The following TRHDE variants were observed in gnomAD, a reference collection of about 807,000 sequenced individuals.
TRHDE encodes the protein thyrotropin releasing hormone degrading enzyme, also known as thyrotropin-releasing hormone-degrading ectoenzyme.
Under a neutral mutation model 125.7 loss-of-function variants are expected in TRHDE, and 72 were observed. That is an observed-to-expected ratio of 0.57 (90% confidence interval 0.47 to 0.70). The LOEUF is 0.70. TRHDE is among the 30% of genes least tolerant of loss of function. The pLI is 0.00. For missense variants in TRHDE, 1,110 were observed against 1,327.1 expected (o/e 0.84, Z 2.54); for synonymous variants, 509 against 509.1 (o/e 1.00, Z 0.00).
intron 3 of TRHDE, among the ~76,000 whole-genome samples, chr12:72,408,624 A>G (rs1478259723): frequency 1.3e-5 from 2 of 152,224 alleles, no homozygotes; most frequent in Non-Finnish European, 2.9e-5. Flanking sequence ...GCCACAAGTT[A>G]TAAAGTACCA....
At chr12:72,170,437 G>T (rs560999418) in intron 2 of TRHDE, among the ~76,000 whole-genome samples, 13 of 152,306 alleles carry the variant, frequency 8.5e-5, no homozygotes, top group African/African-American at 3.1e-4. Flanking sequence ...GTCAGCTGAT[G>T]TGGGAACAGC....
At chr12:72,182,021 C>T (rs1877105363) in intron 2 of TRHDE, among the ~76,000 whole-genome samples, 1 of 152,102 alleles carries the variant, frequency 6.6e-6, no homozygotes, top group South Asian at 2.1e-4. Flanking sequence ...TGTTTTATAT[C>T]TGTCAAATTG....
intron 2 of TRHDE, among the ~76,000 whole-genome samples, chr12:72,159,587 G>T (rs780037816): frequency 5.9e-5 from 9 of 152,298 alleles, no homozygotes; most frequent in African/African-American, 9.6e-5. Flanking sequence ...TTTCAAATCA[G>T]ATATCTAACT....
At chr12:72,178,018 A>G (rs1877023559) in intron 2 of TRHDE, among the ~76,000 whole-genome samples, 1 of 152,158 alleles carries the variant, frequency 6.6e-6, no homozygotes, top group African/African-American at 2.4e-5. Context: ...TAGTTTTTTA[A>G]AGATCACTTT....
chr12:72,408,927 C>T (rs1161057373), intron 3 of TRHDE, among the ~76,000 whole-genome samples: 1 of 152,056 alleles, frequency 6.6e-6, no homozygotes, highest in Non-Finnish European at 1.5e-5. Context: ...TATGTCTAAT[C>T]GGAGTTCCAG....
chr12:72,433,850 A>T (rs1371228042), intron 3 of TRHDE, among the ~76,000 whole-genome samples: 1 of 151,776 alleles, frequency 6.6e-6, no homozygotes, highest in African/African-American at 2.4e-5. Context: ...CTTGTTACAC[A>T]TGCCTGGAAT....
chr12:72,280,915 C>T (rs748380511), intron 1 of TRHDE, among the ~76,000 whole-genome samples: 10 of 152,224 alleles, frequency 6.6e-5, no homozygotes, highest in African/African-American at 1.2e-4. Context: ...AATAAAAAAA[C>T]GTGAATCTCA....
intron 5 of TRHDE, among the ~76,000 whole-genome samples, chr12:72,474,386 C>G (rs961116050): frequency 6.6e-6 from 1 of 152,078 alleles, no homozygotes; most frequent in Admixed American, 6.6e-5. Context: ...ACTTATTCAT[C>G]TTGCATGACT....
intron 2 of TRHDE, among the ~76,000 whole-genome samples, chr12:72,305,672 T>C (rs922493190): frequency 6.6e-6 from 1 of 152,168 alleles, no homozygotes; most frequent in Admixed American, 6.5e-5. Context: ...TATTAACTGG[T>C]TGGGCAATCC....
intron 5 of TRHDE, among the ~76,000 whole-genome samples, chr12:72,495,701 G>A (rs992559791): frequency 6.6e-6 from 1 of 151,964 alleles, no homozygotes; most frequent in African/African-American, 2.4e-5. Context: ...CACAATATCT[G>A]GCATAGAGTG....
At chr12:72,301,138 A>G (rs551253879) in intron 2 of TRHDE, among the ~76,000 whole-genome samples, 118 of 152,050 alleles carry the variant, frequency 7.8e-4, no homozygotes, top group Non-Finnish European at 1.4e-3. Context: ...TTTTTTTATT[A>G]CCTGTGTCTC....
chr12:72,659,522 A>G (rs1400293854), intron 18 of TRHDE, among the ~76,000 whole-genome samples: 2 of 152,194 alleles, frequency 1.3e-5, no homozygotes, highest in African/African-American at 4.8e-5. Context: ...TAATAGGGCA[A>G]TAGTTAATTC....
chr12:72,447,746 T>A (rs1875369483), intron 3 of TRHDE, among the ~76,000 whole-genome samples: 1 of 152,028 alleles, frequency 6.6e-6, no homozygotes, highest in Admixed American at 6.6e-5. Flanking sequence ...AAAAGATTGA[T>A]GCTTGAGCTG....
intron 5 of TRHDE, among the ~76,000 whole-genome samples, chr12:72,477,331 A>G (rs1471654552): frequency 6.6e-5 from 10 of 152,184 alleles, no homozygotes; most frequent in Non-Finnish European, 1.2e-4. Flanking sequence ...TACGTACAAA[A>G]TAAACTTGGT....
intron 2 of TRHDE, among the ~76,000 whole-genome samples, chr12:72,122,082 A>G (rs1875595394): frequency 6.6e-6 from 1 of 151,862 alleles, no homozygotes; most frequent in East Asian, 1.9e-4. Context: ...AGGTGGTGGG[A>G]GAAATGAGGG....
chr12:72,253,881 C>G (rs1372500280), intron 2 of TRHDE: 1 of 151,738 alleles, frequency 6.6e-6, no homozygotes, highest in Non-Finnish European at 1.5e-5. Flanking sequence ...AAAATTGAGT[C>G]TTGGTGGAAA....
chr12:72,179,625 T>G (rs1877056078), intron 2 of TRHDE, among the ~76,000 whole-genome samples: 1 of 152,108 alleles, frequency 6.6e-6, no homozygotes, highest in Admixed American at 6.6e-5. Context: ...TGAGATACCT[T>G]CTCTTCCTTG....
chr12:72,427,843 T>C (rs1220196858), intron 3 of TRHDE, among the ~76,000 whole-genome samples: 3 of 152,142 alleles, frequency 2.0e-5, no homozygotes, highest in Non-Finnish European at 4.4e-5. Context: ...TTTTATTAGA[T>C]CATAAATTAG....
chr12:72,318,913 A>G (rs568855908), intron 2 of TRHDE, among the ~76,000 whole-genome samples: 63 of 152,248 alleles, frequency 4.1e-4, no homozygotes, highest in African/African-American at 1.4e-3. Context: ...ATGGCAGAGA[A>G]ATCATTGGTA....
Sources: allele counts gnomAD v4.1 joint callset (sites outside exome capture counted in the v4.1 genomes callset), GRCh38; gene constraint gnomAD v4.1.1; transcripts MANE v1.5; gene names NCBI Gene and HGNC (gene_info 2026-07-23, HGNC 2026-07-21).